Variants in KIF5C observed in about 807,000 individuals in gnomAD.
The protein encoded by KIF5C is kinesin heavy chain isoform 5C.
Under a neutral mutation model 125.2 loss-of-function variants are expected in KIF5C, and 18 were observed. That is an observed-to-expected ratio of 0.14 (90% CI 0.10 to 0.21). KIF5C has a LOEUF of 0.21. Among genes scored for constraint, KIF5C ranks in the 10% least tolerant of loss-of-function variants. The pLI is 1.00. For missense variants in KIF5C, 780 were observed against 1,183.8 expected, an observed-to-expected ratio of 0.66 and a Z score of 5.01; for synonymous variants, 405 against 434.0, an observed-to-expected ratio of 0.93 and a Z score of 0.83.
chr2:148,925,952 G>T (rs1193536933), intron 2 of KIF5C, among the ~76,000 whole-genome samples: 2 of 152,156 alleles, frequency 1.3e-5, no homozygotes, highest in African/African-American at 4.8e-5. Context: ...TAGTCAGCAG[G>T]ACCGCCTCAT....
chr2:148,912,884 C>T (rs558323897), intron 1 of KIF5C, among the ~76,000 whole-genome samples: 48 of 152,286 alleles, frequency 3.2e-4, no homozygotes, highest in African/African-American at 1.1e-3. Flanking sequence ...CTTGTGTAGC[C>T]CAAGTTCCAG....
At position 149,024,515 on chromosome 2, in the gene KIF5C, AGTGTGTGTGTGT is replaced by A. The variant is rs10577971; in HGVS notation, c.*1480_*1491del. ...GACTGTGTGGGTCGAAGGTAGCTCA[AGTGTGTGTGTGT>A]GTGTGTGTGTGTGTGTGTGTGTGTG... On this transcript the variant is annotated 3_prime_UTR_variant, in exon 26 of 26. Transcript: ENST00000435030. 1,629 of 128,744 alleles carry A rather than the reference AGTGTGTGTGTGT, an allele frequency of 0.013. 17 individuals carry two copies. Among genetic ancestry groups the A allele is most frequent in the Middle Eastern group, 0.055 (14 of 256 alleles). The allele number at this position is 128,744 out of a possible 1,614,324, so 8.0% of individuals were successfully genotyped here. A position where few individuals can be genotyped will look rare whatever the true frequency, so the allele number is the denominator to read the frequency against.
chr2:148,948,494 G>A (rs982067458), intron 8 of KIF5C, among the ~76,000 whole-genome samples: 2 of 152,336 alleles, frequency 1.3e-5, no homozygotes, highest in South Asian at 2.1e-4. Flanking sequence ...ACAGACTGGA[G>A]TGGAGGCCTG....
intron 1 of KIF5C, among the ~76,000 whole-genome samples, chr2:148,918,776 A>G (rs1017901006): frequency 1.3e-5 from 2 of 152,188 alleles, no homozygotes; most frequent in South Asian, 4.1e-4. Context: ...TAGGCAAGGA[A>G]TTGGTATCTG....
chr2:148,928,020 A>C (rs765359705), intron 2 of KIF5C, among the ~76,000 whole-genome samples: 1 of 152,144 alleles, frequency 6.6e-6, no homozygotes, highest in African/African-American at 2.4e-5. Flanking sequence ...CTAAAATAAC[A>C]TATTGCTTTT....
rs967775385 is a variant in KIF5C at position 148,978,912 on chromosome 2, T to A, written c.1294-10T>A. On this transcript the variant is annotated splice_polypyrimidine_tract_variant and intron_variant, in intron 12 of 25. Transcript: ENST00000435030. ...CTAACCAAAAAAACAAACATGATGT[T>A]TCGTTTCAGGATGATGAAATTAACC... 8 of 1,582,152 alleles carry A rather than the reference T, an allele frequency of 5.1e-6. No homozygotes were observed. Among genetic ancestry groups the A allele is most frequent in the Non-Finnish European group, 6.9e-6 (8 of 1,166,546 alleles).
chr2:148,890,894 A>G (rs1217753273), intron 1 of KIF5C, among the ~76,000 whole-genome samples: 3 of 152,186 alleles, frequency 2.0e-5, no homozygotes, highest in African/African-American at 2.4e-5. Context: ...TGAATATCTT[A>G]TTTAATTAAT....
intron 11 of KIF5C, among the ~76,000 whole-genome samples, chr2:148,969,461 G>GTA (rs1553467597): frequency 6.6e-6 from 1 of 150,784 alleles, no homozygotes; most frequent in East Asian, 1.9e-4. Flanking sequence ...GTGTGTGTGT[G>GTA]TATGTGTGTG....
intron 1 of KIF5C, chr2:148,878,583 G>A (rs1177133132): frequency 6.6e-6 from 1 of 152,250 alleles, no homozygotes; most frequent in Non-Finnish European, 1.5e-5. Flanking sequence ...TTGGGAGTTG[G>A]GTTGGCATGT....
In KIF5C at chr2:148,987,210, G is replaced by A. The variant is rs376914491; in HGVS notation, c.1716+3444G>A. ...TACAGGAGGAGCTATGAAGATTCAT[G>A]AAGGAGTGGCATGTGCATGTGTAGT... On this transcript the variant is annotated intron_variant, in intron 15 of 25. Transcript: ENST00000435030. Among the ~76,000 whole-genome samples, 8 of 152,282 alleles carry A rather than the reference G, an allele frequency of 5.3e-5. No individual in the cohort carries two copies. In the East Asian group the frequency reaches 7.7e-4, roughly 15 times the overall value.
intron 1 of KIF5C, chr2:148,888,919 A>C (rs1681631259): frequency 6.6e-6 from 1 of 152,098 alleles, no homozygotes; most frequent in Non-Finnish European, 1.5e-5. Context: ...TGATTGCTTA[A>C]ATGTCCATTG....
chr2:148,993,275 A>T (rs563211375), intron 16 of KIF5C, among the ~76,000 whole-genome samples: 8 of 152,320 alleles, frequency 5.3e-5, no homozygotes, highest in Non-Finnish European at 1.0e-4. Flanking sequence ...TCAGACTGAC[A>T]CTGACTTTGC....
At chr2:148,994,707 CTTTT>C (rs766023949) in intron 17 of KIF5C, among the ~76,000 whole-genome samples, 169 bp downstream of exon 17, 4 of 144,028 alleles carry the variant, frequency 2.8e-5, no homozygotes, top group African/African-American at 1.0e-4. Context: ...TTCTTTCTTT[CTTTT>C]TTTTTTTTTA....
intron 12 of KIF5C, among the ~76,000 whole-genome samples, chr2:148,974,881 G>A (rs534960490): frequency 1.1e-4 from 17 of 152,240 alleles, no homozygotes; most frequent in Admixed American, 3.3e-4. Flanking sequence ...TGGCGGAATC[G>A]GGATCATTTA....
In KIF5C at chr2:148,875,376, AG is replaced by A; in HGVS notation, c.-239del. The A allele has an allele frequency of 4.7e-6, 2 of 427,574 alleles. No individual in the cohort carries two copies. Among genetic ancestry groups the A allele is most frequent in the South Asian group, 7.5e-5 (2 of 26,820 alleles). 26.5% of individuals were successfully genotyped at this position (427,574 alleles called of 1,614,324 possible). On this transcript the variant is annotated 5_prime_UTR_variant, in exon 1 of 26. Transcript: ENST00000435030. ...GGGGGGCGCTGGGCAGGGGCGGGGC[AG>A]GGCCAGGGCAGGCCGGTCTGCAGCC... is the stretch of plus-strand genomic sequence containing the variant.
chr2:148,957,468 G>T (rs953030162), intron 10 of KIF5C, among the ~76,000 whole-genome samples: 4 of 151,776 alleles, frequency 2.6e-5, no homozygotes, highest in African/African-American at 9.7e-5. Flanking sequence ...AAAAGAAAAA[G>T]AAATTGTAGA....
intron 1 of KIF5C, chr2:148,884,503 A>G (rs1248737249): frequency 1.3e-5 from 2 of 152,182 alleles, no homozygotes; most frequent in African/African-American, 4.8e-5. Context: ...AGAATAAAAA[A>G]AGTACTTATC....
chr2:148,979,058 C>T (rs1409566270), intron 13 of KIF5C, 68 bp downstream of exon 13: 4 of 1,420,660 alleles, frequency 2.8e-6, no homozygotes, highest in South Asian at 1.7e-5. Flanking sequence ...GATGTTTGTT[C>T]CAGGAATTTA....
chr2:148,891,183 G>T (rs1397853211), intron 1 of KIF5C, among the ~76,000 whole-genome samples: 8 of 152,120 alleles, frequency 5.3e-5, no homozygotes, highest in Admixed American at 5.2e-4. Context: ...TCATTTTGAG[G>T]GAAGAGGTGG....
Sources: allele counts gnomAD v4.1 joint callset (sites outside exome capture counted in the v4.1 genomes callset), GRCh38; gene constraint gnomAD v4.1.1; transcripts MANE v1.5; gene names NCBI Gene and HGNC (gene_info 2026-07-23, HGNC 2026-07-21).